The following SERGEF variants were observed in gnomAD, a reference collection of about 807,000 sequenced individuals.
The protein encoded by SERGEF is secretion-regulating guanine nucleotide exchange factor.
A neutral mutation model predicts 50.0 loss-of-function variants in SERGEF; 51 were observed. That is an observed-to-expected ratio of 1.02 (90% confidence interval 0.81 to 1.29). SERGEF has a LOEUF of 1.29. SERGEF is among the 50% of genes most tolerant of loss of function. SERGEF has a pLI of 0.00. For missense variants in SERGEF, 521 were observed against 557.0 expected, an observed-to-expected ratio of 0.94 and a Z score of 0.65; for synonymous variants, 205 against 212.4, an observed-to-expected ratio of 0.97 and a Z score of 0.30.
chr11:17,945,653 A>T (rs2097086173), intron 9 of SERGEF, among the ~76,000 whole-genome samples: 1 of 152,212 alleles, frequency 6.6e-6, no homozygotes, highest in African/African-American at 2.4e-5. Flanking sequence ...TGGAACTAAT[A>T]CACAGCAGCT....
chr11:18,008,161 G>A, intron 1 of SERGEF, 85 bp from the exon 2 acceptor site: 1 of 1,382,006 alleles, frequency 7.2e-7, no homozygotes, highest in Non-Finnish European at 1.0e-6. Flanking sequence ...CTCTCACCCT[G>A]ACGTATCTCT....
At position 17,988,632 on chromosome 11, in the gene SERGEF, A is replaced by T. The variant is rs1346498530; in HGVS notation, c.809T>A (p.Ile270Asn). Reference protein sequence around the residue: ...HCFQNEKVTAIWSGWTHLVAQ... With the variant: ...HCFQNEKVTANWSGWTHLVAQ... ...AACCAGGTGTGTCCATCCACTCCAG[A>T]TGGCAGTGACCTTTTCATTCTGGAA... The change falls in exon 8 of 11, where the codon ATC (isoleucine) becomes AAC (asparagine). Residue 270 changes from isoleucine (I) to asparagine (N), a missense_variant. Ile to Asn is a moderately radical substitution (Grantham distance 149). Transcript: ENST00000265965. 41 of 1,613,986 alleles carry T rather than the reference A, an allele frequency of 2.5e-5. No homozygotes were observed. Among genetic ancestry groups the T allele is most frequent in the Non-Finnish European group, 3.4e-5 (40 of 1,180,020 alleles).
intron 9 of SERGEF, among the ~76,000 whole-genome samples, chr11:17,897,541 T>TATATTGGAAATGGA (rs1222547949): frequency 6.6e-6 from 1 of 152,238 alleles, no homozygotes; most frequent in African/African-American, 2.4e-5. Context: ...GGAATACCAC[T>TATATTGGAAATGGA]AATCAATACA....
At chr11:18,010,117 A>C in intron 1 of SERGEF, 1 of 1,260,206 alleles carries the variant, frequency 7.9e-7, no homozygotes, top group Non-Finnish European at 1.0e-6. Context: ...AAATCTTTTA[A>C]ATATGTTTGT....
intron 9 of SERGEF, among the ~76,000 whole-genome samples, chr11:17,931,633 AGTCC>A (rs1852354363): frequency 6.6e-6 from 1 of 152,210 alleles, no homozygotes; most frequent in Non-Finnish European, 1.5e-5. Flanking sequence ...ACTAGAACCC[AGTCC>A]ATATGCCACA....
At chr11:17,984,944 A>T (rs1853565012) in intron 8 of SERGEF, among the ~76,000 whole-genome samples, 1 of 152,198 alleles carries the variant, frequency 6.6e-6, no homozygotes, top group Non-Finnish European at 1.5e-5. Flanking sequence ...ATACAAAGAG[A>T]TGTACACAAT....
At chr11:17,918,669 C>CTCTT (rs1346256406) in intron 9 of SERGEF, 3 of 453,486 alleles carry the variant, frequency 6.6e-6, no homozygotes, top group African/African-American at 6.0e-5. Context: ...CACACTCTCT[C>CTCTT]TCTCTCTCTC....
At chr11:17,986,227 TCTC>T in intron 8 of SERGEF, among the ~76,000 whole-genome samples, 1 of 152,158 alleles carries the variant, frequency 6.6e-6, no homozygotes, top group Non-Finnish European at 1.5e-5. Context: ...GGGTGTTTCT[TCTC>T]AACGACACTG....
At chr11:17,836,384 A>C (rs1036398875) in intron 10 of SERGEF, among the ~76,000 whole-genome samples, 1 of 152,244 alleles carries the variant, frequency 6.6e-6, no homozygotes, top group Non-Finnish European at 1.5e-5. Flanking sequence ...GGCTTACTTG[A>C]AAGCCTCATA....
intron 10 of SERGEF, among the ~76,000 whole-genome samples, chr11:17,870,835 T>C (rs78682332): frequency 0.012 from 1,821 of 152,276 alleles, 35 homozygotes; most frequent in African/African-American, 0.042. Flanking sequence ...TCAAGATTTA[T>C]TATAAAGCTA....
intron 8 of SERGEF, among the ~76,000 whole-genome samples, chr11:17,968,507 AC>A (rs1284565258): frequency 6.6e-6 from 1 of 152,080 alleles, no homozygotes; most frequent in Non-Finnish European, 1.5e-5. Context: ...TTTGAGACCA[AC>A]CTGGGCAACA....
chr11:17,976,862 C>A (rs533574927), intron 8 of SERGEF, among the ~76,000 whole-genome samples: 3 of 152,354 alleles, frequency 2.0e-5, no homozygotes, highest in African/African-American at 7.2e-5. Flanking sequence ...CTGGTCACCC[C>A]ACTCACTATG....
intron 1 of SERGEF, among the ~76,000 whole-genome samples, chr11:18,009,792 G>A (rs1289505853): frequency 6.6e-6 from 1 of 152,134 alleles, no homozygotes; most frequent in Non-Finnish European, 1.5e-5. Context: ...ATGTATTTCA[G>A]ATTCAGAATT....
intron 9 of SERGEF, among the ~76,000 whole-genome samples, chr11:17,928,573 T>G (rs376514627): frequency 3.3e-5 from 5 of 151,954 alleles, no homozygotes; most frequent in African/African-American, 1.2e-4. Flanking sequence ...GGCCTGCACA[T>G]AGAAGTCATT....
intron 9 of SERGEF, among the ~76,000 whole-genome samples, chr11:17,910,069 C>T (rs1035316753): frequency 4.6e-5 from 7 of 152,026 alleles, no homozygotes; most frequent in Non-Finnish European, 1.0e-4. Context: ...ACAGTAAGGT[C>T]AGGGTCCAAA....
chr11:17,976,413 G>A (rs1443800904), intron 8 of SERGEF, among the ~76,000 whole-genome samples: 1 of 150,952 alleles, frequency 6.6e-6, no homozygotes, highest in African/African-American at 2.4e-5. Context: ...AGCCTCCCGA[G>A]TAGATGGGAC....
intron 8 of SERGEF, among the ~76,000 whole-genome samples, chr11:17,973,574 A>G (rs1853302273): frequency 6.6e-6 from 1 of 152,194 alleles, no homozygotes; most frequent in African/African-American, 2.4e-5. Context: ...CTATCCTAGG[A>G]TGCCAATTTG....
chr11:17,967,960 C>T (rs763381920), intron 8 of SERGEF, among the ~76,000 whole-genome samples: 1 of 152,216 alleles, frequency 6.6e-6, no homozygotes, highest in Non-Finnish European at 1.5e-5. Context: ...CCCTAAAGCA[C>T]CCTATTATCC....
chr11:17,919,277 C>T (rs1307897130), intron 9 of SERGEF, among the ~76,000 whole-genome samples: 1 of 152,090 alleles, frequency 6.6e-6, no homozygotes, highest in Non-Finnish European at 1.5e-5. Context: ...AGAGAGAAGG[C>T]TCAATACTGC....
Sources: gnomAD v4.1 joint callset for allele counts (sites outside exome capture counted in the v4.1 genomes callset) on GRCh38, gnomAD v4.1.1 for gene constraint, MANE v1.5 for transcripts, NCBI Gene and HGNC (gene_info 2026-07-23, HGNC 2026-07-21) for gene names.